Variants in ATP7A observed in about 807,000 individuals in gnomAD.
ATP7A encodes ATPase copper transporting alpha.
In ATP7A, 7 loss-of-function variants were observed where a neutral mutation model predicts 83.5. The observed-to-expected ratio is 0.08, with a 90% CI of 0.05 to 0.16. The LOEUF (loss-of-function observed/expected upper bound fraction) is 0.16, where lower values mean the gene tolerates loss of function less well. Ranked by LOEUF, ATP7A falls within the 10% of genes least tolerant of loss-of-function variation. The pLI, the probability that ATP7A is intolerant of heterozygous loss-of-function variation, is 1.00. For synonymous variants in ATP7A, 354 were observed against 395.2 expected, an observed-to-expected ratio of 0.90 and a Z score of 1.24; for missense variants, 940 against 1,120.8, an observed-to-expected ratio of 0.84 and a Z score of 2.30.
intron 1 of ATP7A, among the ~76,000 whole-genome samples, chrX:77,967,728 T>C (rs1462192872): frequency 8.9e-6 from 1 of 111,921 alleles, no homozygotes; most frequent in East Asian, 2.8e-4. Context: ...GCATGTGAAT[T>C]ATATCCCAAT....
chrX:78,011,389 A>C, intron 8 of ATP7A, 60 bp from the exon 9 acceptor site: 2 of 1,072,478 alleles, frequency 1.9e-6, no homozygotes, highest in South Asian at 1.9e-5. Context: ...AGTATGTAGA[A>C]TCTTTACCCA....
intron 6 of ATP7A, among the ~76,000 whole-genome samples, chrX:78,008,205 T>C (rs1460438656): frequency 8.9e-6 from 1 of 112,085 alleles, no homozygotes; most frequent in Non-Finnish European, 1.9e-5. Context: ...TGCACTGATA[T>C]ACCTTCAGCA....
chrX:77,928,137 T>G (rs782787733), intron 1 of ATP7A, among the ~76,000 whole-genome samples: 10 of 109,958 alleles, frequency 9.1e-5, no homozygotes, highest in Non-Finnish European at 1.7e-4. Flanking sequence ...AATTTAAAAA[T>G]TTTTTGTAGG....
At chrX:78,042,988 T>C (rs782376848) in intron 20 of ATP7A, among the ~76,000 whole-genome samples, 200 bp downstream of exon 20, 6 of 112,245 alleles carry the variant, frequency 5.3e-5, no homozygotes, top group Non-Finnish European at 7.5e-5. Context: ...CATAAGCAAG[T>C]GAGAATTATA....
At position 78,009,266 on chromosome X, in the gene ATP7A, A is replaced by G; in HGVS notation, c.1869+3A>G. On this transcript the variant is annotated splice_donor_region_variant and intron_variant, in intron 7 of 22. Coordinates refer to ENST00000341514, the MANE Select transcript of ATP7A (RefSeq NM_000052.7). The stretch of plus-strand genomic sequence containing the variant: ...GAGATATTATCCATACAATTGAAGT[A>G]AGTGCCAAGAATTTATGTTTCTGTG... 8.3e-7 allele frequency: 1 copy of G among 1,204,051 alleles called. No homozygotes were observed. The highest frequency in any genetic ancestry group is 1.1e-6 in the Non-Finnish European group (1 of 888,863).
rs1557234442 is a variant in ATP7A at position 78,011,310 on chromosome X, T to C, written c.1946+58T>C. 3 of 1,116,943 alleles carry C rather than the reference T, an allele frequency of 2.7e-6. No individual in the cohort carries two copies. In the African/African-American group the frequency reaches 5.4e-5, roughly 20 times the overall value. 92.0% of individuals were successfully genotyped at this position (1,116,943 alleles called of 1,213,427 possible). On this transcript the variant is annotated intron_variant, in intron 8 of 22. Transcript: ENST00000341514. ...TTTTGACTCCTTATTACAAATTTTT[T>C]TTTGCATGTCAGTTTTTATAATATC...
chrX:77,976,644 C>T (rs1391781113), intron 2 of ATP7A, among the ~76,000 whole-genome samples: 3 of 112,035 alleles, frequency 2.7e-5, no homozygotes, highest in Non-Finnish European at 5.6e-5. Context: ...GTTTTATAGT[C>T]ATCTTGGCCA....
rs2077751292 is a variant in ATP7A, at chrX:78,003,060, T to C, written c.1544-13T>C. 1.7e-6 allele frequency: 2 copies of C among 1,201,262 alleles called. No individual in the cohort carries two copies. The highest frequency in any genetic ancestry group is 2.3e-6 in the Non-Finnish European group (2 of 887,690). On this transcript the variant is annotated splice_polypyrimidine_tract_variant and intron_variant, in intron 5 of 22. Coordinates refer to ENST00000341514, the MANE Select transcript of ATP7A (RefSeq NM_000052.7). ...AATGTTATCTGTATTGTTTTTCTTATCAATGCTCTTAGGAATATATTCTAT... is the reference window on the plus strand; with the variant it reads ...AATGTTATCTGTATTGTTTTTCTTACCAATGCTCTTAGGAATATATTCTAT...
intron 1 of ATP7A, among the ~76,000 whole-genome samples, chrX:77,945,621 G>A (rs1458184167): frequency 8.9e-6 from 1 of 112,075 alleles, no homozygotes; most frequent in African/African-American, 3.2e-5. Context: ...TGTACTAATT[G>A]ACCAGAATTA....
In ATP7A at chrX:77,988,346, C is replaced by T; in HGVS notation, c.225C>T (p.Ile75=). The T allele has an allele frequency of 8.3e-7, 1 of 1,209,371 alleles. No homozygotes were observed. Among genetic ancestry groups the T allele is most frequent in the African/African-American group, 1.7e-5 (1 of 57,678 alleles). Residue 75 remains isoleucine, a synonymous_variant, in exon 3 of 23, where the codon ATC becomes ATT. Transcript: ENST00000341514. ...AIDDMGFDAV[I]HNPDPLPVLT... Reference sequence around the variant, plus strand: ...ATGACATGGGCTTTGATGCTGTTATCCATAATCCTGACCCTCTCCCTGTTT... The same window carrying T: ...ATGACATGGGCTTTGATGCTGTTATTCATAATCCTGACCCTCTCCCTGTTT...
intron 2 of ATP7A, among the ~76,000 whole-genome samples, chrX:77,978,452 A>G (rs1331276992): frequency 1.8e-5 from 2 of 111,576 alleles, no homozygotes; most frequent in African/African-American, 6.5e-5. Context: ...AAGAATATGT[A>G]AGATTAGTCA....
In ATP7A at chrX:78,046,593, G is replaced by A. The variant is rs781830233; in HGVS notation, c.*23G>A. Reference sequence around the variant, plus strand: ...TAAAAGGCCATGGAGAGTGCTGCCAGTTTAACTTGTCATGCACTGACACAG... The same window carrying A: ...TAAAAGGCCATGGAGAGTGCTGCCAATTTAACTTGTCATGCACTGACACAG... On this transcript the variant is annotated 3_prime_UTR_variant, in exon 23 of 23. Transcript: ENST00000341514. 1.7e-6 allele frequency: 2 copies of A among 1,208,509 alleles called. No individual in the cohort carries two copies. The highest frequency in any genetic ancestry group is 2.2e-6 in the Non-Finnish European group (2 of 892,947).
chrX:78,033,340 G>A (rs1402963884), intron 16 of ATP7A, among the ~76,000 whole-genome samples: 1 of 112,365 alleles, frequency 8.9e-6, no homozygotes, highest in Non-Finnish European at 1.9e-5. Context: ...TGCCCACCTC[G>A]GCTTCCCAGC....
rs72628501 is a variant in ATP7A at position 78,013,413 on chromosome X, A to C, written c.2406+301A>C. 5.3e-4 allele frequency among the ~76,000 whole-genome samples: 59 copies of C among 111,840 alleles called. 2 individuals are homozygous for C. The East Asian group carries it at 0.013, about 25-fold the overall frequency. ...TGACATGACCACATGGTTTAAAATA[A>C]TGATAGAAAAAATTCACCCATATTC... is the stretch of plus-strand genomic sequence containing the variant. On this transcript the variant is annotated intron_variant, in intron 10 of 22. Transcript: ENST00000341514.
At chrX:77,998,341 T>C in intron 4 of ATP7A, 137 bp from the exon 5 acceptor site, 2 of 592,827 alleles carry the variant, frequency 3.4e-6, no homozygotes, top group Non-Finnish European at 5.7e-6. Context: ...GATAACTTAA[T>C]GCTAACGGAT....
rs1343084607 is a variant in ATP7A at position 78,029,237 on chromosome X, C to T, written c.2917-13C>T. On this transcript the variant is annotated splice_polypyrimidine_tract_variant and intron_variant, in intron 14 of 22. Transcript: ENST00000341514. ...CTAAATCAATAACCAAAATTTATGC[C>T]TTTCTTCTAAAGGGCTACAATAGAA... is the stretch of plus-strand genomic sequence containing the variant. 2.5e-6 allele frequency: 3 copies of T among 1,207,986 alleles called. No homozygotes were observed. Among genetic ancestry groups the T allele is most frequent in the Non-Finnish European group, 3.4e-6 (3 of 892,480 alleles).
intron 13 of ATP7A, 146 bp downstream of exon 13, chrX:78,020,544 A>C: frequency 4.3e-6 from 3 of 692,623 alleles, no homozygotes; most frequent in Non-Finnish European, 6.5e-6. Context: ...ATAGGGTCTC[A>C]CTCTGTTGCA....
intron 2 of ATP7A, among the ~76,000 whole-genome samples, chrX:77,984,495 G>A (rs908432594): frequency 1.8e-5 from 2 of 110,011 alleles, no homozygotes; most frequent in Admixed American, 9.8e-5. Context: ...AGCCTCCCGA[G>A]TAGCTGGGAT....
chrX:78,036,828 G>A (rs1315431065), intron 17 of ATP7A, among the ~76,000 whole-genome samples: 1 of 111,768 alleles, frequency 8.9e-6, no homozygotes, highest in African/African-American at 3.3e-5. Flanking sequence ...GGCAGAAGCA[G>A]GGAGATGAGT....
Sources: gnomAD v4.1 joint callset for allele counts (sites outside exome capture counted in the v4.1 genomes callset) on GRCh38, gnomAD v4.1.1 for gene constraint, MANE v1.5 for transcripts, NCBI Gene and HGNC (gene_info 2026-07-23, HGNC 2026-07-21) for gene names.